The following ZNF407 variants were observed in gnomAD, a reference collection of about 807,000 sequenced individuals.
ZNF407 encodes zinc finger protein 407.
A neutral mutation model predicts 131.2 loss-of-function variants in ZNF407; 17 were observed. The observed-to-expected ratio is 0.13, with a 90% confidence interval of 0.09 to 0.19. The LOEUF is 0.19. Ranked by LOEUF, ZNF407 falls within the 10% of genes least tolerant of loss-of-function variation. The pLI, the probability that ZNF407 is intolerant of heterozygous loss-of-function variation, is 1.00. For missense variants in ZNF407, 2,681 were observed against 2,830.6 expected (o/e 0.95, Z 1.20); for synonymous variants, 1,156 against 1,062.0 (o/e 1.09, Z -1.72).
intron 1 of ZNF407, among the ~76,000 whole-genome samples, chr18:74,627,740 T>C (rs181320101): frequency 1.3e-5 from 2 of 152,168 alleles, no homozygotes; most frequent in Non-Finnish European, 2.9e-5. Context: ...CGAGAAATCC[T>C]GTGGTAAAGA....
At chr18:74,916,359 T>A in intron 7 of ZNF407, among the ~76,000 whole-genome samples, 1 of 114,520 alleles carries the variant, frequency 8.7e-6, no homozygotes. Context: ...TGTGTGTGCG[T>A]GCATGTGTGT....
At chr18:74,638,822 C>T (rs1285149287) in intron 2 of ZNF407, among the ~76,000 whole-genome samples, 2 of 152,090 alleles carry the variant, frequency 1.3e-5, no homozygotes, top group African/African-American at 4.8e-5. Context: ...ACAATTTTGT[C>T]TTATAAACAC....
At chr18:75,015,021 T>C (rs1973026382) in intron 8 of ZNF407, among the ~76,000 whole-genome samples, 2 of 152,108 alleles carry the variant, frequency 1.3e-5, no homozygotes, top group Admixed American at 6.6e-5. Context: ...AACAGTAGAT[T>C]ATACATTCCT....
chr18:74,979,045 C>T (rs1006659267), intron 8 of ZNF407, among the ~76,000 whole-genome samples: 2 of 152,064 alleles, frequency 1.3e-5, no homozygotes, highest in Non-Finnish European at 2.9e-5. Context: ...GGGACGACTT[C>T]GCGGGCAGCA....
intron 3 of ZNF407, among the ~76,000 whole-genome samples, chr18:74,709,080 T>A (rs1011446797): frequency 6.6e-6 from 1 of 152,212 alleles, no homozygotes. Context: ...CTGGGAGTAA[T>A]GAATAGATGA....
At chr18:74,989,456 C>T (rs1334173324) in intron 8 of ZNF407, among the ~76,000 whole-genome samples, 1 of 152,200 alleles carries the variant, frequency 6.6e-6, no homozygotes, top group East Asian at 1.9e-4. Context: ...TCACACAGAC[C>T]TCATAGAGCA....
At chr18:74,748,852 A>G (rs1000222435) in intron 3 of ZNF407, among the ~76,000 whole-genome samples, 8 of 152,306 alleles carry the variant, frequency 5.3e-5, no homozygotes, top group African/African-American at 1.9e-4. Context: ...GAACTAGCTG[A>G]CAGACACGAA....
intron 4 of ZNF407, among the ~76,000 whole-genome samples, chr18:74,789,213 T>A (rs886067192): frequency 3.3e-5 from 5 of 152,002 alleles, no homozygotes; most frequent in Non-Finnish European, 5.9e-5. Context: ...GGATGAGTGG[T>A]TAGGAAAGTC....
At chr18:74,885,624 C>T (rs1971298527) in intron 6 of ZNF407, among the ~76,000 whole-genome samples, 1 of 152,148 alleles carries the variant, frequency 6.6e-6, no homozygotes, top group South Asian at 2.1e-4. Context: ...GGCATCAAGA[C>T]AGACAAATGT....
chr18:74,878,394 T>A (rs1384980331), intron 5 of ZNF407, among the ~76,000 whole-genome samples: 2 of 152,168 alleles, frequency 1.3e-5, no homozygotes, highest in East Asian at 3.9e-4. Context: ...TCTCAAGCAG[T>A]TTGTGGGAAG....
chr18:74,931,558 A>C lies in ZNF407; in HGVS notation c.5428+10866A>C, dbSNP rs112136268. On this transcript the variant is annotated intron_variant, in intron 8 of 8. Coordinates refer to ENST00000299687, the MANE Select transcript of ZNF407 (RefSeq NM_017757.3). ...TGGCAATTATTAATAGAGAGGCTTT[A>C]AACATTCACATATAAGATTCTGTGA... 7.5e-3 allele frequency among the ~76,000 whole-genome samples: 1,145 copies of C among 152,352 alleles called. 25 individuals carry two copies. The highest frequency in any genetic ancestry group is 0.026 in the African/African-American group (1,081 of 41,574).
chr18:74,758,253 T>C (rs888464335), intron 3 of ZNF407, among the ~76,000 whole-genome samples: 2 of 152,030 alleles, frequency 1.3e-5, no homozygotes, highest in Non-Finnish European at 2.9e-5. Flanking sequence ...TAAATAGGAA[T>C]TTTTCTTATT....
At chr18:74,628,070 C>T (rs1983881910) in intron 1 of ZNF407, among the ~76,000 whole-genome samples, 1 of 151,808 alleles carries the variant, frequency 6.6e-6, no homozygotes, top group Non-Finnish European at 1.5e-5. Context: ...ACTTATTTGA[C>T]CAGAGATGTT....
At chr18:74,925,316 G>A (rs534955880) in intron 8 of ZNF407, among the ~76,000 whole-genome samples, 1 of 152,066 alleles carries the variant, frequency 6.6e-6, no homozygotes, top group African/African-American at 2.4e-5. Context: ...GCAGTTTGGT[G>A]TTCTCTATAA....
At chr18:74,935,144 C>A (rs1419394236) in intron 8 of ZNF407, among the ~76,000 whole-genome samples, 1 of 152,048 alleles carries the variant, frequency 6.6e-6, no homozygotes, top group African/African-American at 2.4e-5. Context: ...TTAAAGAATC[C>A]ATTAGTACAA....
intron 4 of ZNF407, among the ~76,000 whole-genome samples, chr18:74,852,090 A>G (rs1163929737): frequency 6.6e-6 from 1 of 152,150 alleles, no homozygotes; most frequent in Non-Finnish European, 1.5e-5. Context: ...ACCGCGGCAG[A>G]GAATAGGAAC....
intron 4 of ZNF407, among the ~76,000 whole-genome samples, chr18:74,868,177 T>TAGGTATATAG (rs1971039417): frequency 6.6e-6 from 1 of 152,240 alleles, no homozygotes; most frequent in African/African-American, 2.4e-5. Flanking sequence ...ACATTTTGTA[T>TAGGTATATAG]CATGTGTAGG....
Sources: gnomAD v4.1 joint callset for allele counts (sites outside exome capture counted in the v4.1 genomes callset) on GRCh38, gnomAD v4.1.1 for gene constraint, MANE v1.5 for transcripts, NCBI Gene and HGNC (gene_info 2026-07-23, HGNC 2026-07-21) for gene names.